ZFHX3: variants seen among roughly 807,000 people sequenced by gnomAD.
ZFHX3 encodes the protein zinc finger homeobox protein 3.
Under a neutral mutation model 279.1 loss-of-function variants are expected in ZFHX3, and 42 were observed. The observed-to-expected ratio is 0.15, with a 90% confidence interval of 0.12 to 0.19. The LOEUF is 0.19. Among genes scored for constraint, ZFHX3 ranks in the 10% least tolerant of loss-of-function variants. ZFHX3 has a pLI of 1.00. For missense variants in ZFHX3, 4,981 were observed against 4,754.0 expected, an observed-to-expected ratio of 1.05 and a Z score of -1.40; for synonymous variants, 2,293 against 1,957.8, an observed-to-expected ratio of 1.17 and a Z score of -4.52.
At chr16:73,581,287 A>G (rs1347254153) in intron 2 of ZFHX3, among the ~76,000 whole-genome samples, 1 of 151,892 alleles carries the variant, frequency 6.6e-6, no homozygotes, top group Non-Finnish European at 1.5e-5. Context: ...TTGTTTATAT[A>G]TATGATTTCA....
chr16:73,019,949 C>T (rs1014804807), intron 1 of ZFHX3, among the ~76,000 whole-genome samples: 2 of 152,214 alleles, frequency 1.3e-5, no homozygotes, highest in Non-Finnish European at 2.9e-5. Context: ...GTCTGGGTCC[C>T]GTACTGAGCC....
At position 73,579,926 on chromosome 16, in the gene ZFHX3, T is replaced by C. The variant is rs539148150; in HGVS notation, c.-1547+100254A>G. 4.8e-5 allele frequency among the ~76,000 whole-genome samples: 7 copies of C among 146,926 alleles called. No individual in the cohort carries two copies. The East Asian group carries it at 1.2e-3, about 25-fold the overall frequency. ...ATAATGTATTATAAAGTATAATGTA[T>C]AATGTGATATATTATAATGTAGAAT... On this transcript the variant is annotated intron_variant, in intron 2 of 17. Coordinates refer to the ZFHX3 transcript ENST00000641206.
intron 1 of ZFHX3, among the ~76,000 whole-genome samples, chr16:72,978,351 A>C (rs1962445158): frequency 6.6e-6 from 1 of 152,238 alleles, no homozygotes; most frequent in African/African-American, 2.4e-5. Context: ...AGCTGGAAGC[A>C]GCAGGCATAC....
At chr16:73,465,780 C>T (rs1158056493) in intron 2 of ZFHX3, among the ~76,000 whole-genome samples, 1 of 152,170 alleles carries the variant, frequency 6.6e-6, no homozygotes, top group African/African-American at 2.4e-5. Flanking sequence ...CCGCTTCTAA[C>T]TCAAAATACA....
At chr16:73,868,745 G>C (rs1962093094) in intron 1 of ZFHX3, among the ~76,000 whole-genome samples, 1 of 151,904 alleles carries the variant, frequency 6.6e-6, no homozygotes, top group East Asian at 1.9e-4. Flanking sequence ...AAATTACTAA[G>C]TGTACACTGA....
At chr16:73,661,571 A>T (rs1238287256) in intron 2 of ZFHX3, among the ~76,000 whole-genome samples, 2 of 152,086 alleles carry the variant, frequency 1.3e-5, no homozygotes. Flanking sequence ...AAATACAAAA[A>T]ATTAGTCAGG....
intron 5 of ZFHX3, among the ~76,000 whole-genome samples, chr16:73,217,569 A>G (rs767274896): frequency 2.7e-4 from 41 of 152,166 alleles, no homozygotes; most frequent in Non-Finnish European, 5.1e-4. Flanking sequence ...GACACCCATA[A>G]TACTTTGCAA....
rs2036751846 is a variant in ZFHX3, at chr16:72,820,332, T to TG, written c.3530-8295_3530-8294insC. On this transcript the variant is annotated intron_variant, in intron 5 of 9. Transcript: ENST00000268489. ...CACTAATTCCTTGCTGAAGTATGCATAAGGCTGCTTAACCACACTGATTTG... is the reference window on the plus strand; with the variant it reads ...CACTAATTCCTTGCTGAAGTATGCATGAAGGCTGCTTAACCACACTGATTTG... Among the ~76,000 whole-genome samples, 3 of 152,338 alleles carry TG rather than the reference T, an allele frequency of 2.0e-5. No individual in the cohort carries two copies. In the South Asian group the frequency reaches 6.2e-4, roughly 32 times the overall value.
chr16:73,704,558 G>A (rs796294269), intron 1 of ZFHX3, among the ~76,000 whole-genome samples: 2 of 152,300 alleles, frequency 1.3e-5, no homozygotes, highest in African/African-American at 2.4e-5. Flanking sequence ...ATGGGCTCAC[G>A]TATGTCTGTT....
intron 3 of ZFHX3, among the ~76,000 whole-genome samples, chr16:73,326,395 T>C (rs1015824567): frequency 6.6e-6 from 1 of 152,156 alleles, no homozygotes; most frequent in Non-Finnish European, 1.5e-5. Flanking sequence ...CTCAGTGCAA[T>C]GCAGTGGGTG....
chr16:73,433,034 C>T (rs1414027889), intron 3 of ZFHX3, among the ~76,000 whole-genome samples: 1 of 152,182 alleles, frequency 6.6e-6, no homozygotes, highest in Admixed American at 6.5e-5. Context: ...GAGGCTGGGG[C>T]CTCGCCACTG....
intron 1 of ZFHX3, among the ~76,000 whole-genome samples, chr16:73,684,457 ACT>A (rs1597064918): frequency 6.6e-6 from 1 of 152,010 alleles, no homozygotes; most frequent in East Asian, 1.9e-4. Context: ...TTGCTAGATA[ACT>A]CTGAGCATCC....
chr16:73,716,756 T>G (rs1022442289), intron 1 of ZFHX3, among the ~76,000 whole-genome samples: 1 of 152,104 alleles, frequency 6.6e-6, no homozygotes, highest in African/African-American at 2.4e-5. Context: ...CTTCTGCATT[T>G]GTTCGGCTCC....
chr16:72,973,432 G>A (rs948418562), intron 1 of ZFHX3: 3 of 152,118 alleles, frequency 2.0e-5, no homozygotes, highest in African/African-American at 4.8e-5. Context: ...CTCCAACTAG[G>A]ATTCCTCCCC....
intron 4 of ZFHX3, among the ~76,000 whole-genome samples, chr16:73,304,708 T>C (rs746220538): frequency 1.3e-5 from 2 of 152,104 alleles, no homozygotes; most frequent in African/African-American, 2.4e-5. Context: ...TTTGAACCAA[T>C]CAAACTGCAC....
chr16:73,167,572 G>A (rs1031530674), intron 5 of ZFHX3, among the ~76,000 whole-genome samples: 3 of 152,120 alleles, frequency 2.0e-5, no homozygotes, highest in African/African-American at 7.2e-5. Context: ...AATTTCTTCC[G>A]ATCTGCTGTG....
At chr16:72,953,119 C>G (rs959282689) in intron 2 of ZFHX3, among the ~76,000 whole-genome samples, 21 of 152,254 alleles carry the variant, frequency 1.4e-4, no homozygotes, top group Non-Finnish European at 2.2e-4. Context: ...GCTAAGCAGA[C>G]CAGCAGCTGC....
chr16:72,867,822 T>C (rs921704361), intron 4 of ZFHX3, among the ~76,000 whole-genome samples: 1 of 152,172 alleles, frequency 6.6e-6, no homozygotes, highest in Non-Finnish European at 1.5e-5. Context: ...CTCTGGTCAC[T>C]GCACCAACCA....
At chr16:73,407,593 C>G (rs1191656362) in intron 3 of ZFHX3, among the ~76,000 whole-genome samples, 1 of 152,172 alleles carries the variant, frequency 6.6e-6, no homozygotes, top group Non-Finnish European at 1.5e-5. Context: ...GACCACTGAG[C>G]TTTCCACCTT....
Sources: gnomAD v4.1 joint callset for allele counts (sites outside exome capture counted in the v4.1 genomes callset) on GRCh38, gnomAD v4.1.1 for gene constraint, MANE v1.5 for transcripts, NCBI Gene and HGNC (gene_info 2026-07-23, HGNC 2026-07-21) for gene names.